Variants in CCNG2 observed in about 807,000 individuals in gnomAD.
CCNG2 encodes the protein cyclin G2.
A neutral mutation model predicts 36.5 loss-of-function variants in CCNG2; 20 were observed. The ratio of observed to expected loss-of-function variants is 0.55; its 90% CI spans 0.39 to 0.80. CCNG2 has a LOEUF of 0.80. Among genes scored for constraint, CCNG2 ranks in the 30% least tolerant of loss-of-function variants. The probability of loss-of-function intolerance (pLI) is 0.00; values close to 1 mark genes in which losing one functional copy is unlikely to be tolerated. For missense variants in CCNG2, 358 were observed against 390.8 expected (o/e 0.92, Z 0.71); for synonymous variants, 155 against 140.1 (o/e 1.11, Z -0.75).
At chr4:77,161,041 C>T in intron 4 of CCNG2, 70 bp downstream of exon 4, 1 of 1,109,752 alleles carries the variant, frequency 9.0e-7, no homozygotes, top group South Asian at 1.8e-5. Context: ...ATTGGAATGG[C>T]AATGAAATTT....
Position 77,169,643 on chromosome 4 carries a change from A to G in CCNG2, c.*3719A>G, listed in dbSNP as rs1413500743. ...TTATCCTTTTTGGAAGCTAGCCACC[A>G]TGCTGCAAAGAAGCTCAGCTGGATT... On this transcript the variant is annotated 3_prime_UTR_variant, in exon 8 of 8. Coordinates refer to ENST00000316355, the MANE Select transcript of CCNG2 (RefSeq NM_004354.3). The G allele has an allele frequency of 1.3e-5, 2 of 152,254 alleles. No homozygotes were observed. Among genetic ancestry groups the G allele is most frequent in the African/African-American group, 2.4e-5 (1 of 41,462 alleles). 9.4% of individuals were successfully genotyped at this position (152,254 alleles called of 1,614,324 possible). A position where few individuals can be genotyped will look rare whatever the true frequency, so the allele number is the denominator to read the frequency against.
intron 7 of CCNG2, chr4:77,164,904 A>G (rs1415982761): frequency 6.5e-6 from 1 of 153,134 alleles, no homozygotes; most frequent in Admixed American, 6.5e-5. Flanking sequence ...AAATACAGCT[A>G]AAAAACCCCA....
chr4:77,158,068 G>T (rs1162856486), intron 1 of CCNG2, among the ~76,000 whole-genome samples: 3 of 152,026 alleles, frequency 2.0e-5, no homozygotes, highest in Non-Finnish European at 4.4e-5. Flanking sequence ...GGCGGGCGGG[G>T]CTCGGGAGTC....
chr4:77,162,513 G>C (rs1731509411), intron 6 of CCNG2, among the ~76,000 whole-genome samples: 1 of 151,128 alleles, frequency 6.6e-6, no homozygotes, highest in Non-Finnish European at 1.5e-5. Context: ...CTCCCGAGTA[G>C]CTGGGGCTAC....
chr4:77,158,356 C>T (rs1731329788), intron 1 of CCNG2, 177 bp from the exon 2 acceptor site: 3 of 608,524 alleles, frequency 4.9e-6, no homozygotes, highest in Non-Finnish European at 8.6e-6. Context: ...CCACACCTCC[C>T]TGGCCGTGGT....
In CCNG2 at chr4:77,169,381, T is replaced by G. The variant is rs969207737; in HGVS notation, c.*3457T>G. On this transcript the variant is annotated 3_prime_UTR_variant, in exon 8 of 8. Transcript: ENST00000316355. ...TTTCCTAACTATTTACTACCAGAAA[T>G]GGTCAATAACTTACTTTGTGTTTAG... The G allele has an allele frequency of 6.6e-6, 1 of 152,236 alleles. No homozygotes were observed. Among genetic ancestry groups the G allele is most frequent in the African/African-American group, 2.4e-5 (1 of 41,454 alleles). 9.4% of individuals were successfully genotyped at this position (152,236 alleles called of 1,614,324 possible). A position where few individuals can be genotyped will look rare whatever the true frequency, so the allele number is the denominator to read the frequency against.
At chr4:77,159,287 A>C (rs1553894108) in intron 2 of CCNG2, 80 bp from the exon 3 acceptor site, 1 of 1,337,930 alleles carries the variant, frequency 7.5e-7, no homozygotes, top group Non-Finnish European at 1.0e-6. Context: ...GAAAAAATTA[A>C]CCTTATTCTT....
At chr4:77,162,183 T>C (rs1731456877) in intron 6 of CCNG2, among the ~76,000 whole-genome samples, 1 of 152,186 alleles carries the variant, frequency 6.6e-6, no homozygotes, top group Non-Finnish European at 1.5e-5. Flanking sequence ...CGAATGTCTT[T>C]TCAAATCCTT....
chr4:77,161,777 A>G, intron 6 of CCNG2, 30 bp downstream of exon 6: 1 of 1,409,094 alleles, frequency 7.1e-7, no homozygotes, highest in Non-Finnish European at 9.8e-7. Flanking sequence ...TTTAAGGCAA[A>G]TTTTTTTCCT....
chr4:77,167,713 C>T lies in CCNG2; in HGVS notation c.*1789C>T, dbSNP rs1320663651. On this transcript the variant is annotated 3_prime_UTR_variant, in exon 8 of 8. Transcript: ENST00000316355. The stretch of plus-strand genomic sequence containing the variant: ...ATCTGTCTAGTTTGATTTTTGTAGA[C>T]CTTTGTTTTCTCTAGTTAGAAAATC... The T allele has an allele frequency of 5.3e-5, 8 of 152,008 alleles. No homozygotes were observed. The highest frequency in any genetic ancestry group is 1.2e-4 in the Non-Finnish European group (8 of 68,002). 9.4% of individuals were successfully genotyped at this position (152,008 alleles called of 1,614,324 possible).
chr4:77,158,959 TGAG>T (rs1435159098), intron 2 of CCNG2, among the ~76,000 whole-genome samples: 3 of 152,228 alleles, frequency 2.0e-5, no homozygotes, highest in Non-Finnish European at 4.4e-5. Context: ...CCGGGTGAAT[TGAG>T]TAGTTCATTT....
chr4:77,164,609 C>T (rs1731578103), intron 7 of CCNG2, 130 bp downstream of exon 7: 8 of 630,258 alleles, frequency 1.3e-5, no homozygotes, highest in South Asian at 1.1e-4. Flanking sequence ...AATTAAAGCC[C>T]CCACTCTTCA....
At chr4:77,158,307 A>G in intron 1 of CCNG2, 3 of 553,926 alleles carry the variant, frequency 5.4e-6, no homozygotes, top group South Asian at 2.2e-5. Flanking sequence ...GGTCTTACCC[A>G]GCGCTGGCCG....
rs4150091 is a variant in CCNG2, at chr4:77,165,196, T to C, written c.912-605T>C. Reference sequence around the variant, plus strand: ...AAGTTTCATTTTCATAGCTTGTTAGTTTACTTTGATATTTGACAGTGTAAG... The same window carrying C: ...AAGTTTCATTTTCATAGCTTGTTAGCTTACTTTGATATTTGACAGTGTAAG... On this transcript the variant is annotated intron_variant, in intron 7 of 7. Transcript: ENST00000316355. Among the ~76,000 whole-genome samples the C allele has an allele frequency of 7.9e-3, 1,198 of 152,332 alleles. 20 individuals carry two copies. Among genetic ancestry groups the C allele is most frequent in the African/African-American group, 0.027 (1,137 of 41,582 alleles).
chr4:77,164,536 T>C, intron 7 of CCNG2, 57 bp downstream of exon 7: 1 of 1,297,702 alleles, frequency 7.7e-7, no homozygotes, highest in South Asian at 1.2e-5. Flanking sequence ...CTGAGTTTAT[T>C]ATACTCAGAA....
chr4:77,157,941 G>C (rs1461326951), intron 1 of CCNG2, among the ~76,000 whole-genome samples: 1 of 151,932 alleles, frequency 6.6e-6, no homozygotes, highest in African/African-American at 2.4e-5. Flanking sequence ...CCACCCCAGG[G>C]CTCCTGGGAC....
Position 77,164,483 on chromosome 4 carries a change from G to A in CCNG2, c.911+4G>A, listed in dbSNP as rs1731574538. The A allele has an allele frequency of 1.9e-6, 3 of 1,610,946 alleles. No individual in the cohort carries two copies. The highest frequency in any genetic ancestry group is 2.5e-6 in the Non-Finnish European group (3 of 1,177,442). On this transcript the variant is annotated splice_donor_region_variant and intron_variant, in intron 7 of 7. Transcript: ENST00000316355. ...GTTGTTTTGATGAAAGTGAAAGGTA[G>A]GCAGGTTCCTTGACTAATTAAACTT...
Position 77,165,976 on chromosome 4 carries a change from T to TG in CCNG2, c.*57dup. The TG allele has an allele frequency of 1.3e-6, 2 of 1,539,056 alleles. No individual in the cohort carries two copies. Among genetic ancestry groups the TG allele is most frequent in the Non-Finnish European group, 1.8e-6 (2 of 1,141,310 alleles). Reference sequence around the variant, plus strand: ...TATTTACAGGTTTCAAAGCAATAAATGGGGGAATAGGTAGTTTCCTGGTTT... The same window carrying TG: ...TATTTACAGGTTTCAAAGCAATAAATGGGGGGAATAGGTAGTTTCCTGGTTT... On this transcript the variant is annotated 3_prime_UTR_variant, in exon 8 of 8. Transcript: ENST00000316355.
At position 77,158,610 on chromosome 4, in the gene CCNG2, A is replaced by G; in HGVS notation, c.78A>G (p.Glu26=). 6.2e-7 allele frequency: 1 copy of G among 1,614,154 alleles called. No homozygotes were observed. Among genetic ancestry groups the G allele is most frequent in the Non-Finnish European group, 8.5e-7 (1 of 1,180,010 alleles). ...QLLGLLNVYL[E]QEERFQPREK... ...TCGGGTTGTTGAACGTCTACCTGGA[A>G]CAAGAAGAGAGATTCCAACCTCGAG... The change falls in exon 2 of 8, where the codon GAA becomes GAG. Residue 26 remains glutamate, a synonymous_variant. Coordinates refer to ENST00000316355, the MANE Select transcript of CCNG2 (RefSeq NM_004354.3).
Sources: allele counts gnomAD v4.1 joint callset (sites outside exome capture counted in the v4.1 genomes callset), GRCh38; gene constraint gnomAD v4.1.1; transcripts MANE v1.5; gene names NCBI Gene and HGNC (gene_info 2026-07-23, HGNC 2026-07-21).